LHFPL3: variants seen among roughly 807,000 people sequenced by gnomAD.
LHFPL3 encodes LHFPL tetraspan subfamily member 3.
LHFPL3 carries 5 observed loss-of-function variants against 19.3 expected under a neutral mutation model. The observed-to-expected ratio is 0.26, with a 90% CI of 0.14 to 0.54. LHFPL3 has a LOEUF of 0.54. Among genes scored for constraint, LHFPL3 ranks in the 20% least tolerant of loss-of-function variants. The pLI, the probability that LHFPL3 is intolerant of heterozygous loss-of-function variation, is 0.94. For missense variants in LHFPL3, 249 were observed against 307.4 expected (o/e 0.81, Z 1.42); for synonymous variants, 133 against 126.2 (o/e 1.05, Z -0.36).
chr7:104,851,706 G>T (rs1183565211), intron 2 of LHFPL3, among the ~76,000 whole-genome samples: 1 of 152,106 alleles, frequency 6.6e-6, no homozygotes, highest in Non-Finnish European at 1.5e-5. Context: ...ATGGGGTACT[G>T]ATTTCTTTGG....
At chr7:104,496,013 C>T (rs928961668) in intron 1 of LHFPL3, among the ~76,000 whole-genome samples, 35 of 152,038 alleles carry the variant, frequency 2.3e-4, no homozygotes, top group African/African-American at 7.7e-4. Flanking sequence ...TACATGTGCA[C>T]AACGTGCAGG....
At chr7:104,789,229 T>C (rs1460012774) in intron 2 of LHFPL3, among the ~76,000 whole-genome samples, 1 of 152,196 alleles carries the variant, frequency 6.6e-6, no homozygotes, top group African/African-American at 2.4e-5. Flanking sequence ...ACTGTTTAAA[T>C]GTTCTCTTTC....
At chr7:104,847,678 T>C (rs965701066) in intron 2 of LHFPL3, among the ~76,000 whole-genome samples, 3 of 152,182 alleles carry the variant, frequency 2.0e-5, no homozygotes, top group African/African-American at 7.2e-5. Flanking sequence ...GCCCAGCTAA[T>C]GTTTTGTATT....
intron 2 of LHFPL3, among the ~76,000 whole-genome samples, chr7:104,870,108 G>T (rs1471094208): frequency 1.3e-5 from 2 of 152,084 alleles, no homozygotes; most frequent in Non-Finnish European, 2.9e-5. Context: ...GGGGGACGGG[G>T]GAGGGATAGC....
chr7:104,633,679 G>A (rs2115859398), intron 1 of LHFPL3, among the ~76,000 whole-genome samples: 1 of 152,258 alleles, frequency 6.6e-6, no homozygotes, highest in East Asian at 1.9e-4. Context: ...ATAACAACAT[G>A]TACCATTTGT....
intron 1 of LHFPL3, among the ~76,000 whole-genome samples, chr7:104,391,834 A>C (rs1791076285): frequency 1.3e-5 from 2 of 152,198 alleles, no homozygotes; most frequent in Non-Finnish European, 2.9e-5. Flanking sequence ...ATGTTCTTCC[A>C]TTTGTTTGTA....
At chr7:104,654,074 C>T (rs1456711089) in intron 1 of LHFPL3, among the ~76,000 whole-genome samples, 1 of 152,174 alleles carries the variant, frequency 6.6e-6, no homozygotes, top group East Asian at 1.9e-4. Flanking sequence ...TCCTGACTTG[C>T]TTCCAAAGCA....
intron 2 of LHFPL3, among the ~76,000 whole-genome samples, chr7:104,884,933 G>A (rs777077381): frequency 3.3e-5 from 5 of 152,174 alleles, no homozygotes; most frequent in Non-Finnish European, 5.9e-5. Flanking sequence ...AGGTGCAAGA[G>A]GAGGAATGGG....
At chr7:104,890,724 C>T (rs2116705091) in intron 2 of LHFPL3, among the ~76,000 whole-genome samples, 1 of 152,330 alleles carries the variant, frequency 6.6e-6, no homozygotes, top group Non-Finnish European at 1.5e-5. Context: ...GATGACACGC[C>T]AGGCTCAGGT....
At chr7:104,573,017 T>G (rs1215032658) in intron 1 of LHFPL3, among the ~76,000 whole-genome samples, 2 of 142,334 alleles carry the variant, frequency 1.4e-5, no homozygotes, top group Non-Finnish European at 2.9e-5. Flanking sequence ...ACATTAACAA[T>G]CTCTTTTTAT....
intron 2 of LHFPL3, among the ~76,000 whole-genome samples, chr7:104,748,647 C>A (rs1794096144): frequency 6.6e-6 from 1 of 151,386 alleles, no homozygotes; most frequent in Admixed American, 6.6e-5. Flanking sequence ...GTCTGCTGAC[C>A]CTCTCCCCAC....
chr7:104,526,369 C>T (rs939738553), intron 1 of LHFPL3, among the ~76,000 whole-genome samples: 3 of 152,198 alleles, frequency 2.0e-5, no homozygotes, highest in Admixed American at 2.0e-4. Context: ...CTATGTAGCA[C>T]AGCAGTGATG....
intron 2 of LHFPL3, among the ~76,000 whole-genome samples, chr7:104,783,069 C>A (rs1789843959): frequency 6.6e-6 from 1 of 152,234 alleles, no homozygotes. Flanking sequence ...CAACTGGGAA[C>A]TTAACTCGAA....
chr7:104,522,910 G>A (rs1195650063), intron 1 of LHFPL3, among the ~76,000 whole-genome samples: 1 of 152,096 alleles, frequency 6.6e-6, no homozygotes, highest in Non-Finnish European at 1.5e-5. Flanking sequence ...AGGCTGCTTA[G>A]CGGCAGTGAG....
chr7:104,745,840 T>C (rs1794036238), intron 2 of LHFPL3, among the ~76,000 whole-genome samples: 2 of 152,216 alleles, frequency 1.3e-5, no homozygotes, highest in Non-Finnish European at 2.9e-5. Context: ...TTTTGTCTTC[T>C]TGAAAAACTT....
intron 1 of LHFPL3, among the ~76,000 whole-genome samples, chr7:104,720,633 A>T (rs1339890211): frequency 6.6e-6 from 1 of 152,232 alleles, no homozygotes; most frequent in East Asian, 1.9e-4. Context: ...AAATTTTGCA[A>T]TCTACTCATC....
intron 1 of LHFPL3, among the ~76,000 whole-genome samples, chr7:104,529,885 A>G (rs540158186): frequency 2.0e-5 from 3 of 152,296 alleles, no homozygotes; most frequent in African/African-American, 4.8e-5. Flanking sequence ...TCTGAGACAG[A>G]GATGCAGGTA....
chr7:104,590,943 T>C (rs1790704883), intron 1 of LHFPL3, among the ~76,000 whole-genome samples: 1 of 152,174 alleles, frequency 6.6e-6, no homozygotes, highest in Non-Finnish European at 1.5e-5. Flanking sequence ...AACACCTGCT[T>C]TTTTTTGCTT....
intron 1 of LHFPL3, among the ~76,000 whole-genome samples, chr7:104,341,896 G>T (rs529937618): frequency 2.3e-5 from 3 of 132,456 alleles, no homozygotes; most frequent in African/African-American, 6.8e-5. Flanking sequence ...GACTGAAAAA[G>T]AATAAAAAAA....
Sources: gnomAD v4.1 joint callset for allele counts (sites outside exome capture counted in the v4.1 genomes callset) on GRCh38, gnomAD v4.1.1 for gene constraint, MANE v1.5 for transcripts, NCBI Gene and HGNC (gene_info 2026-07-23, HGNC 2026-07-21) for gene names.